NKAIN2: variants seen among roughly 807,000 people sequenced by gnomAD.
NKAIN2 encodes the protein sodium/potassium transporting ATPase interacting 2.
A neutral mutation model predicts 32.6 loss-of-function variants in NKAIN2; 14 were observed. The observed-to-expected ratio is 0.43, with a 90% CI of 0.28 to 0.67. The LOEUF (loss-of-function observed/expected upper bound fraction) is 0.67, where lower values mean the gene tolerates loss of function less well. NKAIN2 is among the 30% of genes least tolerant of loss of function. NKAIN2 has a pLI of 0.17. For missense variants in NKAIN2, 198 were observed against 258.3 expected (o/e 0.77, Z 1.60); for synonymous variants, 80 against 87.2 (o/e 0.92, Z 0.46).
In NKAIN2 at chr6:124,658,656, CT is replaced by C. The variant is rs1031720994; in HGVS notation, c.474+274del. ...AATCAGTCAAGATGTGATTACGTGA[CT>C]TTTGGTAGACTTTTCCAAGGATTCT... On this transcript the variant is annotated intron_variant, in intron 4 of 6. Transcript: ENST00000368417. 4.0e-6 allele frequency: 3 copies of C among 748,392 alleles called. No homozygotes were observed. The African/African-American group carries it at 5.3e-5, about 13-fold the overall frequency. The allele number at this position is 748,392 out of a possible 1,614,324, so 46.4% of individuals were successfully genotyped here.
At chr6:124,713,371 A>G (rs543724716) in intron 4 of NKAIN2, among the ~76,000 whole-genome samples, 2 of 152,332 alleles carry the variant, frequency 1.3e-5, no homozygotes, top group Non-Finnish European at 2.9e-5. Context: ...ATTATAGTAC[A>G]GAGTAGGGTG....
At chr6:124,622,261 T>G (rs1242838344) in intron 3 of NKAIN2, among the ~76,000 whole-genome samples, 2 of 152,206 alleles carry the variant, frequency 1.3e-5, no homozygotes, top group Non-Finnish European at 2.9e-5. Context: ...CCGGTTTTTA[T>G]AAGAATACTT....
intron 1 of NKAIN2, among the ~76,000 whole-genome samples, chr6:123,935,794 G>A (rs1776477069): frequency 1.3e-5 from 2 of 152,036 alleles, no homozygotes; most frequent in Non-Finnish European, 2.9e-5. Context: ...CATGGAAACT[G>A]TGCTACATTT....
At chr6:124,260,640 G>A (rs1582944240) in intron 1 of NKAIN2, among the ~76,000 whole-genome samples, 1 of 152,042 alleles carries the variant, frequency 6.6e-6, no homozygotes, top group East Asian at 1.9e-4. Context: ...TTGCAGGAGG[G>A]GTTCCTTTTA....
rs575138834 is a variant in NKAIN2 at position 124,320,316 on chromosome 6, T to C, written c.193-34951T>C. ...AAATGCACTATTTTCATTGCAGTCT[T>C]GTTCCAAAATTCAAGAGCCCAACTC... is the stretch of plus-strand genomic sequence containing the variant. On this transcript the variant is annotated intron_variant, in intron 2 of 6. Coordinates refer to ENST00000368417, the MANE Select transcript of NKAIN2 (RefSeq NM_001040214.3). Among the ~76,000 whole-genome samples the C allele has an allele frequency of 5.9e-5, 9 of 152,336 alleles. No individual in the cohort carries two copies. The South Asian group carries it at 1.9e-3, about 32-fold the overall frequency.
At chr6:124,727,294 C>A (rs564269770) in intron 4 of NKAIN2, among the ~76,000 whole-genome samples, 1 of 151,958 alleles carries the variant, frequency 6.6e-6, no homozygotes, top group Non-Finnish European at 1.5e-5. Flanking sequence ...AAAATGTTAA[C>A]GGAAGCCAGA....
At chr6:124,683,560 G>A (rs1477623513) in intron 4 of NKAIN2, among the ~76,000 whole-genome samples, 1 of 152,156 alleles carries the variant, frequency 6.6e-6, no homozygotes, top group Non-Finnish European at 1.5e-5. Context: ...CCCATATAGA[G>A]GAGAAGATTC....
At chr6:124,725,865 C>A (rs1002683183) in intron 4 of NKAIN2, among the ~76,000 whole-genome samples, 2 of 152,162 alleles carry the variant, frequency 1.3e-5, no homozygotes, top group African/African-American at 2.4e-5. Flanking sequence ...GTGTGCAAGC[C>A]AAAGCAGGGC....
intron 1 of NKAIN2, among the ~76,000 whole-genome samples, chr6:124,235,268 C>A (rs550661235): frequency 6.6e-6 from 1 of 152,262 alleles, no homozygotes; most frequent in Admixed American, 6.5e-5. Flanking sequence ...CACCCCTTTT[C>A]TATGGAAAAC....
intron 1 of NKAIN2, among the ~76,000 whole-genome samples, chr6:123,854,976 T>G (rs1775501186): frequency 6.6e-6 from 1 of 152,252 alleles, no homozygotes; most frequent in Non-Finnish European, 1.5e-5. Flanking sequence ...CTTCACTGTC[T>G]TTGGAGCAGC....
rs1192347418 is a variant in NKAIN2, at chr6:124,613,623, A to C, written c.274-44563A>C. 4.6e-5 allele frequency among the ~76,000 whole-genome samples: 7 copies of C among 152,352 alleles called. No individual in the cohort carries two copies. The South Asian group carries it at 8.3e-4, about 18-fold the overall frequency. Reference sequence around the variant, plus strand: ...AGGGCAGGAAAAAGCCATGGATGCCAAGAAATGTCTGGTCCTTCAAAGCAG... The same window carrying C: ...AGGGCAGGAAAAAGCCATGGATGCCCAGAAATGTCTGGTCCTTCAAAGCAG... On this transcript the variant is annotated intron_variant, in intron 3 of 6. Coordinates refer to ENST00000368417, the MANE Select transcript of NKAIN2 (RefSeq NM_001040214.3).
chr6:123,953,202 T>C (rs552853309), intron 1 of NKAIN2, among the ~76,000 whole-genome samples: 1 of 152,114 alleles, frequency 6.6e-6, no homozygotes, highest in South Asian at 2.1e-4. Context: ...TTAGTGGAGG[T>C]TGTGGTGAAG....
intron 3 of NKAIN2, among the ~76,000 whole-genome samples, chr6:124,528,470 G>C (rs1340421767): frequency 6.6e-6 from 1 of 152,158 alleles, no homozygotes; most frequent in Non-Finnish European, 1.5e-5. Context: ...CCCACCTAAT[G>C]CAGTTCCTTG....
At chr6:124,231,208 T>A (rs1261139736) in intron 1 of NKAIN2, among the ~76,000 whole-genome samples, 1 of 152,218 alleles carries the variant, frequency 6.6e-6, no homozygotes, top group Non-Finnish European at 1.5e-5. Context: ...CCCCTTTGTT[T>A]TGACCAATCT....
intron 1 of NKAIN2, among the ~76,000 whole-genome samples, chr6:124,039,974 C>A (rs1781790911): frequency 6.6e-6 from 1 of 151,940 alleles, no homozygotes; most frequent in African/African-American, 2.4e-5. Flanking sequence ...CCATTCCCAC[C>A]CTCACCACCC....
At chr6:123,914,800 A>T (rs1037539996) in intron 1 of NKAIN2, among the ~76,000 whole-genome samples, 3 of 152,184 alleles carry the variant, frequency 2.0e-5, no homozygotes, top group African/African-American at 7.2e-5. Context: ...GGAACTTAAA[A>T]GATTCACATT....
At chr6:124,236,920 G>T (rs1341751977) in intron 1 of NKAIN2, among the ~76,000 whole-genome samples, 1 of 152,126 alleles carries the variant, frequency 6.6e-6, no homozygotes, top group Non-Finnish European at 1.5e-5. Context: ...AGAAAGACAG[G>T]TTGTGGCACT....
intron 2 of NKAIN2, among the ~76,000 whole-genome samples, chr6:124,333,540 A>G (rs1797749321): frequency 6.6e-6 from 1 of 152,006 alleles, no homozygotes; most frequent in Non-Finnish European, 1.5e-5. Flanking sequence ...GGTGCTGGTA[A>G]TCCCAGCTAC....
At chr6:123,906,500 C>T (rs1307554770) in intron 1 of NKAIN2, among the ~76,000 whole-genome samples, 1 of 152,030 alleles carries the variant, frequency 6.6e-6, no homozygotes. Flanking sequence ...TCCATGTTGC[C>T]CAGGCTGGTC....
Sources: allele counts gnomAD v4.1 joint callset (sites outside exome capture counted in the v4.1 genomes callset), GRCh38; gene constraint gnomAD v4.1.1; transcripts MANE v1.5; gene names NCBI Gene and HGNC (gene_info 2026-07-23, HGNC 2026-07-21).